The following PDZRN4 variants were observed in gnomAD, a reference collection of about 807,000 sequenced individuals.
The protein encoded by PDZRN4 is PDZ domain containing ring finger 4.
In PDZRN4, 70 loss-of-function variants were observed where a neutral mutation model predicts 99.0. The observed-to-expected ratio is 0.71, with a 90% CI of 0.58 to 0.86. The LOEUF (loss-of-function observed/expected upper bound fraction) is 0.86. PDZRN4 is among the 40% of genes least tolerant of loss of function. The pLI, the probability that PDZRN4 is intolerant of heterozygous loss-of-function variation, is 0.00. For synonymous variants in PDZRN4, 551 were observed against 501.6 expected (o/e 1.10, Z -1.32); for missense variants, 1,474 against 1,331.2 (o/e 1.11, Z -1.67).
chr12:41,461,489 GC>G (rs1387778311), intron 3 of PDZRN4, among the ~76,000 whole-genome samples: 14 of 152,124 alleles, frequency 9.2e-5, no homozygotes, highest in African/African-American at 3.1e-4. Flanking sequence ...AAGGATAACA[GC>G]CTACAGTGTT....
At chr12:41,258,526 A>G (rs750123444) in intron 3 of PDZRN4, among the ~76,000 whole-genome samples, 1 of 152,160 alleles carries the variant, frequency 6.6e-6, no homozygotes, top group Non-Finnish European at 1.5e-5. Context: ...AAGGGGGTAA[A>G]AAGCAACTAT....
intron 5 of PDZRN4, among the ~76,000 whole-genome samples, chr12:41,547,452 C>T (rs1938975943): frequency 1.3e-5 from 2 of 151,950 alleles, no homozygotes; most frequent in Non-Finnish European, 2.9e-5. Flanking sequence ...ATGGTGAAAC[C>T]CCATCTCTAC....
Position 41,188,698 on chromosome 12 carries a change from C to T in PDZRN4, c.243C>T (p.Cys81=). ...TCATCCAGAAGCTGCGAGTCCAGTGCGACTACCGCGCCCGCGGCTGCGGCC... is the reference window on the plus strand; with the variant it reads ...TCATCCAGAAGCTGCGAGTCCAGTGTGACTACCGCGCCCGCGGCTGCGGCC... ...RSLIQKLRVQ[C]DYRARGCGHS... Residue 81 remains cysteine, a synonymous_variant, in exon 1 of 10, where the codon TGC becomes TGT. Transcript: ENST00000402685. 26 of 1,555,304 alleles carry T rather than the reference C, an allele frequency of 1.7e-5. No homozygotes were observed. Among genetic ancestry groups the T allele is most frequent in the Non-Finnish European group, 2.2e-5 (25 of 1,160,792 alleles).
chr12:41,470,629 C>T (rs920864313), intron 3 of PDZRN4, among the ~76,000 whole-genome samples: 3 of 152,090 alleles, frequency 2.0e-5, no homozygotes, highest in Admixed American at 6.5e-5. Flanking sequence ...TTAGGTTTAT[C>T]TCCTAATGCT....
chr12:41,416,593 G>T (rs952291804), intron 3 of PDZRN4, among the ~76,000 whole-genome samples: 1 of 152,132 alleles, frequency 6.6e-6, no homozygotes. Flanking sequence ...GGAGGCGGAG[G>T]TTGCAGTGAG....
intron 3 of PDZRN4, among the ~76,000 whole-genome samples, chr12:41,415,245 A>C (rs1407960480): frequency 1.3e-5 from 2 of 151,876 alleles, no homozygotes; most frequent in Non-Finnish European, 2.9e-5. Context: ...CTAGTTGGAT[A>C]CAATAAAAAA....
intron 3 of PDZRN4, among the ~76,000 whole-genome samples, chr12:41,358,712 A>G (rs1951944516): frequency 6.6e-6 from 1 of 151,964 alleles, no homozygotes; most frequent in Admixed American, 6.6e-5. Flanking sequence ...CATCTTAGAA[A>G]GGTTTTCCTT....
At chr12:41,555,242 A>AAAAAGAAAAG (rs1592110404) in intron 6 of PDZRN4, among the ~76,000 whole-genome samples, 12 of 7,840 alleles carry the variant, frequency 1.5e-3, no homozygotes, top group Admixed American at 9.4e-3. Context: ...AAAAAAAAAA[A>AAAAAGAAAAG]AAAAAAAGAA....
rs12322165 is a variant in PDZRN4, at chr12:41,350,257, A to G, written c.843+156069A>G. On this transcript the variant is annotated intron_variant, in intron 3 of 9. Coordinates refer to ENST00000402685, the MANE Select transcript of PDZRN4 (RefSeq NM_001164595.2). Reference sequence around the variant, plus strand: ...AAGTGTGCTCCCGTGGCTTACTGATATAATTAATATTAGTTCCTAGTACTT... The same window carrying G: ...AAGTGTGCTCCCGTGGCTTACTGATGTAATTAATATTAGTTCCTAGTACTT... 9.5e-3 allele frequency among the ~76,000 whole-genome samples: 1,441 copies of G among 152,160 alleles called. 25 individuals are homozygous for G. The highest frequency in any genetic ancestry group is 0.033 in the African/African-American group (1,352 of 41,544).
intron 3 of PDZRN4, among the ~76,000 whole-genome samples, chr12:41,416,872 A>G (rs1952449734): frequency 6.6e-6 from 1 of 152,124 alleles, no homozygotes; most frequent in Admixed American, 6.5e-5. Context: ...GCTGAGTCCA[A>G]ATATGTGTAA....
intron 3 of PDZRN4, among the ~76,000 whole-genome samples, chr12:41,305,162 G>A (rs1951560713): frequency 6.6e-6 from 1 of 152,096 alleles, no homozygotes; most frequent in Non-Finnish European, 1.5e-5. Flanking sequence ...TCATTCGGGT[G>A]TTTTGCTTCC....
intron 3 of PDZRN4, among the ~76,000 whole-genome samples, chr12:41,379,902 T>C (rs1360315563): frequency 6.6e-6 from 1 of 152,098 alleles, no homozygotes; most frequent in Non-Finnish European, 1.5e-5. Flanking sequence ...TGTTTCCTTA[T>C]TGATTTTCAT....
At chr12:41,453,789 C>T (rs537207246) in intron 3 of PDZRN4, among the ~76,000 whole-genome samples, 1 of 151,884 alleles carries the variant, frequency 6.6e-6, no homozygotes, top group Non-Finnish European at 1.5e-5. Context: ...AATGAAAATT[C>T]TCCAGTACCA....
chr12:41,466,357 C>T (rs943670146), intron 3 of PDZRN4, among the ~76,000 whole-genome samples: 1 of 152,178 alleles, frequency 6.6e-6, no homozygotes, highest in Non-Finnish European at 1.5e-5. Flanking sequence ...CACAAATCCC[C>T]TGACAGTTAG....
At chr12:41,551,797 T>G (rs985409855) in intron 5 of PDZRN4, among the ~76,000 whole-genome samples, 4 of 152,196 alleles carry the variant, frequency 2.6e-5, no homozygotes, top group African/African-American at 9.7e-5. Context: ...CTAATTTGTG[T>G]TTTAATCCTT....
chr12:41,474,872 A>G (rs779804690), intron 3 of PDZRN4, among the ~76,000 whole-genome samples: 3 of 152,232 alleles, frequency 2.0e-5, no homozygotes, highest in Non-Finnish European at 4.4e-5. Flanking sequence ...CTGAGGATGC[A>G]CAATTGATTC....
intron 3 of PDZRN4, among the ~76,000 whole-genome samples, chr12:41,235,451 C>A (rs1009235086): frequency 1.3e-5 from 2 of 151,982 alleles, no homozygotes; most frequent in African/African-American, 4.8e-5. Context: ...TTAACCAGGG[C>A]CACACATTCG....
chr12:41,430,768 C>T (rs1371259849), intron 3 of PDZRN4, among the ~76,000 whole-genome samples: 1 of 152,142 alleles, frequency 6.6e-6, no homozygotes, highest in Non-Finnish European at 1.5e-5. Flanking sequence ...AGTCTGTTCT[C>T]ATATTGCTAT....
At chr12:41,397,002 TAAA>T (rs11311422) in intron 3 of PDZRN4, among the ~76,000 whole-genome samples, 1 of 151,122 alleles carries the variant, frequency 6.6e-6, no homozygotes, top group African/African-American at 2.4e-5. Flanking sequence ...TAGTGTAATG[TAAA>T]AAAAAAATTC....
Sources: gnomAD v4.1 joint callset for allele counts (sites outside exome capture counted in the v4.1 genomes callset) on GRCh38, gnomAD v4.1.1 for gene constraint, MANE v1.5 for transcripts, NCBI Gene and HGNC (gene_info 2026-07-23, HGNC 2026-07-21) for gene names.